GNAS-AS1: variants seen among roughly 807,000 people sequenced by gnomAD.
The protein encoded by GNAS-AS1 is GNAS antisense RNA 1, also known as GNAS antisense RNA 1 (non-protein coding).
chr20:58,823,092 C>G (rs2085496670), intron 4 of GNAS-AS1, among the ~76,000 whole-genome samples: 6 of 152,204 alleles, frequency 3.9e-5, no homozygotes, highest in Admixed American at 3.9e-4. Flanking sequence ...TCCCACTCAG[C>G]TCTCCTGGCC....
In GNAS-AS1 at chr20:58,849,454, T is replaced by A. The variant is rs187391632; in HGVS notation, n.375-537A>T. 1.1e-3 allele frequency among the ~76,000 whole-genome samples: 175 copies of A among 152,342 alleles called. No individual in the cohort carries two copies. In the Middle Eastern group the frequency reaches 0.017, roughly 15 times the overall value. On this transcript the variant is annotated intron_variant and non_coding_transcript_variant, in intron 1 of 4. Coordinates refer to ENST00000424094, the Ensembl canonical transcript of GNAS-AS1. ...AGTTTTCTCTGACTCCATAAATTCA[T>A]CTTTGTAAGTACGATTGCCAATTTG... is the stretch of plus-strand genomic sequence containing the variant.
intron 2 of GNAS-AS1, chr20:58,843,317 C>T (rs1401701458): frequency 6.6e-6 from 1 of 152,016 alleles, no homozygotes; most frequent in African/African-American, 2.4e-5. Flanking sequence ...ATACCAACCC[C>T]CGAGGAAAGC....
intron 4 of GNAS-AS1, among the ~76,000 whole-genome samples, chr20:58,825,056 CAT>C (rs2085510922): frequency 6.6e-6 from 1 of 152,240 alleles, no homozygotes; most frequent in Admixed American, 6.5e-5. Flanking sequence ...CGTCCGCAAA[CAT>C]AAACACGTGA....
chr20:58,825,300 T>C (rs2085512134), intron 4 of GNAS-AS1, among the ~76,000 whole-genome samples: 6 of 152,154 alleles, frequency 3.9e-5, no homozygotes, highest in Admixed American at 3.9e-4. Context: ...TGGGAAATCT[T>C]TGTGTCCTAG....
At chr20:58,827,555 G>A (rs1280388045) in intron 4 of GNAS-AS1, among the ~76,000 whole-genome samples, 2 of 152,346 alleles carry the variant, frequency 1.3e-5, no homozygotes, top group African/African-American at 4.8e-5. Flanking sequence ...TTCTAACAGG[G>A]ACAAAGTGGC....
intron 4 of GNAS-AS1, among the ~76,000 whole-genome samples, chr20:58,830,133 TTACCACCACCA>T (rs2085544550): frequency 1.3e-5 from 2 of 151,588 alleles, no homozygotes; most frequent in South Asian, 2.1e-4. Context: ...CTCTTGGCCA[TTACCACCACCA>T]TACCACCACC....
At chr20:58,830,478 T>C (rs868449032) in intron 4 of GNAS-AS1, among the ~76,000 whole-genome samples, 148 of 5,056 alleles carry the variant, frequency 0.029, no homozygotes, top group Admixed American at 0.054. Flanking sequence ...ACCACCATCA[T>C]CACCATCACC....
chr20:58,842,038 G>C lies in GNAS-AS1; in HGVS notation n.718C>G, dbSNP rs546295853. ...GTCGTCGAAAAGGAGGCAGGGGCCGGCGGCTCCGGCAGCCTTGGGGAGGGG... is the reference window on the plus strand; with the variant it reads ...GTCGTCGAAAAGGAGGCAGGGGCCGCCGGCTCCGGCAGCCTTGGGGAGGGG... On this transcript the variant is annotated non_coding_transcript_exon_variant, in exon 4 of 5. Coordinates refer to ENST00000424094, the Ensembl canonical transcript of GNAS-AS1. 21 of 605,136 alleles carry C rather than the reference G, an allele frequency of 3.5e-5. No individual in the cohort carries two copies. In the African/African-American group the frequency reaches 4.0e-4, roughly 11 times the overall value. 37.5% of individuals were successfully genotyped at this position (605,136 alleles called of 1,614,324 possible).
At chr20:58,832,102 CAGA>C (rs1365344651) in intron 4 of GNAS-AS1, among the ~76,000 whole-genome samples, 1 of 151,950 alleles carries the variant, frequency 6.6e-6, no homozygotes, top group Non-Finnish European at 1.5e-5. Flanking sequence ...CTGAAAGTGG[CAGA>C]AGATGAGAAA....
rs2085747441 is a variant in GNAS-AS1, at chr20:58,841,939, T to A, written n.817A>T. 3 of 1,194,354 alleles carry A rather than the reference T, an allele frequency of 2.5e-6. No individual in the cohort carries two copies. The East Asian group carries it at 9.5e-5, about 38-fold the overall frequency. 74.0% of individuals were successfully genotyped at this position (1,194,354 alleles called of 1,614,324 possible). A position where few individuals can be genotyped will look rare whatever the true frequency, so the allele number is the denominator to read the frequency against. On this transcript the variant is annotated splice_region_variant and non_coding_transcript_exon_variant, in exon 4 of 5. Transcript: ENST00000424094. The surrounding 1 kb of genome is among the most constrained non-coding windows in gnomAD (Gnocchi z 5.0). Reference sequence around the variant, plus strand: ...CGTCTAACATCAGGATAACTTACAATTCGTTTCCAAAGAGCGCGGTACGCG... The same window carrying A: ...CGTCTAACATCAGGATAACTTACAAATCGTTTCCAAAGAGCGCGGTACGCG...
intron 2 of GNAS-AS1, among the ~76,000 whole-genome samples, chr20:58,848,301 C>T (rs2086016026): frequency 1.3e-5 from 2 of 152,236 alleles, no homozygotes; most frequent in South Asian, 2.1e-4. Context: ...CCCTACACTC[C>T]AGCACACAGC....
intron 2 of GNAS-AS1, among the ~76,000 whole-genome samples, chr20:58,845,221 T>C (rs376987481): frequency 2.6e-4 from 39 of 152,258 alleles, no homozygotes; most frequent in African/African-American, 9.4e-4. Context: ...CTGTTGAAAG[T>C]TTTTTGGTAA....
At position 58,840,198 on chromosome 20, in the gene GNAS-AS1, C is replaced by G. The variant is rs1449469660; in HGVS notation, n.819+1739G>C. 6.2e-7 allele frequency: 1 copy of G among 1,611,306 alleles called. No homozygotes were observed. The highest frequency in any genetic ancestry group is 8.5e-7 in the Non-Finnish European group (1 of 1,179,882). ...CCCATAGGCCGCCGGGCAGCCACCG[C>G]GCTCCTCTGGCTCTCCTGCTCCATC... On this transcript the variant is annotated intron_variant and non_coding_transcript_variant, in intron 4 of 4. Coordinates refer to ENST00000424094, the Ensembl canonical transcript of GNAS-AS1. The surrounding 1 kb of genome is among the most constrained non-coding windows in gnomAD (Gnocchi z 6.0).
chr20:58,839,288 T>C (rs2085643201), intron 4 of GNAS-AS1: 2 of 398,572 alleles, frequency 5.0e-6, no homozygotes, highest in Non-Finnish European at 8.8e-6. Flanking sequence ...TCATGATTAA[T>C]GGCTGCCCGA....
chr20:58,840,914 G>A lies in GNAS-AS1; in HGVS notation n.819+1023C>T. 2 of 1,609,958 alleles carry A rather than the reference G, an allele frequency of 1.2e-6. No individual in the cohort carries two copies. The highest frequency in any genetic ancestry group is 1.1e-5 in the South Asian group (1 of 90,610). On this transcript the variant is annotated intron_variant and non_coding_transcript_variant, in intron 4 of 4. Coordinates refer to ENST00000424094, the Ensembl canonical transcript of GNAS-AS1. The surrounding 1 kb of genome is among the most constrained non-coding windows in gnomAD (Gnocchi z 6.0). ...TAGTTGCCCACCGCTAAACTGGGGAGCCTGAGGGCGGTGTGGGAGCAGCGC... is the reference window on the plus strand; with the variant it reads ...TAGTTGCCCACCGCTAAACTGGGGAACCTGAGGGCGGTGTGGGAGCAGCGC...
intron 3 of GNAS-AS1, chr20:58,842,364 G>C: frequency 5.0e-6 from 2 of 398,070 alleles, no homozygotes; most frequent in Non-Finnish European, 4.4e-6. Flanking sequence ...AAAGCGTTTT[G>C]AGGGCTTGAG....
chr20:58,846,776 G>C (rs1382222988), intron 2 of GNAS-AS1, among the ~76,000 whole-genome samples: 1 of 152,172 alleles, frequency 6.6e-6, no homozygotes, highest in Non-Finnish European at 1.5e-5. Flanking sequence ...GGGTAATTGA[G>C]GTTGTTCTAG....
At chr20:58,843,728 C>T (rs1466834256) in intron 2 of GNAS-AS1, among the ~76,000 whole-genome samples, 1 of 152,178 alleles carries the variant, frequency 6.6e-6, no homozygotes, top group African/African-American at 2.4e-5. Flanking sequence ...TCCTTTAGTA[C>T]ATTAATCATT....
rs765971891 is a variant in GNAS-AS1, at chr20:58,840,600, C to T, written n.819+1337G>A. 1 of 1,610,482 alleles carries T rather than the reference C, an allele frequency of 6.2e-7. No homozygotes were observed. The highest frequency in any genetic ancestry group is 8.5e-7 in the Non-Finnish European group (1 of 1,178,686). ...CAGTCCCTCACCCAGCGTCTGCACG[C>T]TCTCAAGTTGCGAAGCCCCGACGCC... On this transcript the variant is annotated intron_variant and non_coding_transcript_variant, in intron 4 of 4. Transcript: ENST00000424094. This position sits in a 1 kb window ranked among gnomAD's most constrained non-coding sequence, Gnocchi z 6.0.
Sources: allele counts gnomAD v4.1 joint callset (sites outside exome capture counted in the v4.1 genomes callset), GRCh38; gene constraint gnomAD v4.1.1; non-coding constraint Gnocchi (gnomAD v3.1); transcripts MANE v1.5; gene names NCBI Gene and HGNC (gene_info 2026-07-23, HGNC 2026-07-21).